Variants in CNOT1 observed in about 807,000 individuals in gnomAD.
CNOT1 encodes the protein CCR4-associated factor 1.
Under a neutral mutation model 273.8 loss-of-function variants are expected in CNOT1, and 15 were observed. That is an observed-to-expected ratio of 0.05 (90% CI 0.04 to 0.08). The LOEUF is 0.08. Among genes scored for constraint, CNOT1 ranks in the 10% least tolerant of loss-of-function variants. The probability of loss-of-function intolerance (pLI) is 1.00; values close to 1 mark genes in which losing one functional copy is unlikely to be tolerated. For missense variants in CNOT1, 1,644 were observed against 2,912.2 expected, an observed-to-expected ratio of 0.56 and a Z score of 10.02; for synonymous variants, 1,022 against 1,005.5, an observed-to-expected ratio of 1.02 and a Z score of -0.31.
intron 1 of CNOT1, among the ~76,000 whole-genome samples, chr16:58,610,406 A>G (rs1324528450): frequency 6.6e-6 from 1 of 152,066 alleles, no homozygotes; most frequent in Non-Finnish European, 1.5e-5. Flanking sequence ...ACTCTGCCTC[A>G]ATAAAGAAAT....
At chr16:58,554,026 T>C (rs1268130376) in intron 21 of CNOT1, among the ~76,000 whole-genome samples, 166 bp from the exon 22 acceptor site, 1 of 152,038 alleles carries the variant, frequency 6.6e-6, no homozygotes, top group Non-Finnish European at 1.5e-5. Context: ...AAGGAGAAAA[T>C]ACTTATGATT....
At chr16:58,530,404 A>G in intron 42 of CNOT1, 57 bp from the exon 43 acceptor site, 2 of 1,327,064 alleles carry the variant, frequency 1.5e-6, no homozygotes, top group Non-Finnish European at 2.1e-6. Context: ...TTCAGCCACT[A>G]CAAGTCGCCC....
chr16:58,628,059 C>A (rs2043658797), intron 1 of CNOT1, among the ~76,000 whole-genome samples: 1 of 152,144 alleles, frequency 6.6e-6, no homozygotes, highest in African/African-American at 2.4e-5. Flanking sequence ...AACTCCTGAC[C>A]TCTGGTGATT....
At chr16:58,563,101 GTT>G (rs3045184) in intron 16 of CNOT1, among the ~76,000 whole-genome samples, 1,961 of 152,164 alleles carry the variant, frequency 0.013, 43 homozygotes, top group African/African-American at 0.046. Flanking sequence ...AAATAAACGC[GTT>G]GTTTTATGTC....
intron 7 of CNOT1, among the ~76,000 whole-genome samples, chr16:58,585,915 T>TA (rs1567424319): frequency 1.3e-5 from 2 of 152,192 alleles, no homozygotes; most frequent in African/African-American, 4.8e-5. Flanking sequence ...ACATTAAAAT[T>TA]AAACTCTATA....
intron 1 of CNOT1, among the ~76,000 whole-genome samples, chr16:58,617,094 C>T (rs569481934): frequency 2.6e-4 from 39 of 152,320 alleles, no homozygotes; most frequent in Non-Finnish European, 4.9e-4. Context: ...AGGTGCAGGG[C>T]TCACGGCTGT....
At chr16:58,533,514 T>TAC (rs984642806) in intron 40 of CNOT1, among the ~76,000 whole-genome samples, 7 of 152,222 alleles carry the variant, frequency 4.6e-5, no homozygotes, top group Admixed American at 1.3e-4. Context: ...CGGGTGCCTG[T>TAC]AGTCCCAGCT....
At chr16:58,525,873 C>T in intron 45 of CNOT1, 116 bp downstream of exon 45, 1 of 840,712 alleles carries the variant, frequency 1.2e-6, no homozygotes, top group Non-Finnish European at 1.9e-6. Flanking sequence ...TCAACCTCAC[C>T]CAATTGATGG....
chr16:58,617,454 G>A (rs547041801), intron 1 of CNOT1, among the ~76,000 whole-genome samples: 41 of 151,934 alleles, frequency 2.7e-4, no homozygotes, highest in Non-Finnish European at 4.1e-4. Context: ...TCCAAAGTTC[G>A]AAAGACTCCA....
intron 16 of CNOT1, among the ~76,000 whole-genome samples, chr16:58,569,912 A>T (rs2151956324): frequency 6.6e-6 from 1 of 152,338 alleles, no homozygotes; most frequent in Non-Finnish European, 1.5e-5. Context: ...AGTAGAATAA[A>T]CTCAAAGAGA....
intron 47 of CNOT1, 94 bp from the exon 48 acceptor site, chr16:58,521,411 T>G: frequency 1.5e-6 from 2 of 1,300,758 alleles, no homozygotes; most frequent in Non-Finnish European, 2.1e-6. Flanking sequence ...TCCCTGACTA[T>G]TGAACCACAT....
intron 29 of CNOT1, 93 bp from the exon 30 acceptor site, chr16:58,545,584 T>C (rs2040233903): frequency 4.5e-6 from 7 of 1,541,592 alleles, no homozygotes; most frequent in Non-Finnish European, 6.1e-6. Flanking sequence ...CATTATCTAA[T>C]TAAACGAATT....
At chr16:58,561,977 C>A (rs1428264015) in intron 16 of CNOT1, among the ~76,000 whole-genome samples, 2 of 151,856 alleles carry the variant, frequency 1.3e-5, no homozygotes, top group Non-Finnish European at 2.9e-5. Flanking sequence ...AAACTCAGGT[C>A]AGAAGCTGAG....
At chr16:58,527,526 CAAA>C (rs1209141088) in intron 44 of CNOT1, among the ~76,000 whole-genome samples, 1 of 151,302 alleles carries the variant, frequency 6.6e-6, no homozygotes, top group African/African-American at 2.4e-5. Flanking sequence ...GACTCTGTCT[CAAA>C]AATAAATAAA....
chr16:58,549,315 G>T (rs13331129), intron 25 of CNOT1, among the ~76,000 whole-genome samples: 1 of 150,338 alleles, frequency 6.7e-6, no homozygotes, highest in Non-Finnish European at 1.5e-5. Flanking sequence ...AAAAAAAGGG[G>T]GCTACAGCAA....
At chr16:58,583,451 C>G (rs2041720057) in intron 8 of CNOT1, among the ~76,000 whole-genome samples, 1 of 152,132 alleles carries the variant, frequency 6.6e-6, no homozygotes, top group Non-Finnish European at 1.5e-5. Flanking sequence ...GGGAGATAAG[C>G]TATGAGGATG....
At chr16:58,577,298 G>A (rs13380755) in intron 13 of CNOT1, among the ~76,000 whole-genome samples, 2,978 of 152,236 alleles carry the variant, frequency 0.02, 89 homozygotes, top group African/African-American at 0.067. Flanking sequence ...GATGCAGCTC[G>A]TTTACCAGCC....
At chr16:58,609,887 A>G (rs1048991303) in intron 1 of CNOT1, among the ~76,000 whole-genome samples, 6 of 150,692 alleles carry the variant, frequency 4.0e-5, no homozygotes, top group Non-Finnish European at 8.9e-5. Context: ...ATTAACATAT[A>G]TAATAATACA....
At chr16:58,563,816 C>T (rs181689883) in intron 16 of CNOT1, among the ~76,000 whole-genome samples, 174 of 152,266 alleles carry the variant, frequency 1.1e-3, no homozygotes, top group African/African-American at 4.1e-3. Flanking sequence ...GAAAATTTTG[C>T]GATACCTAAC....
Sources: gnomAD v4.1 joint callset for allele counts (sites outside exome capture counted in the v4.1 genomes callset) on GRCh38, gnomAD v4.1.1 for gene constraint, MANE v1.5 for transcripts, NCBI Gene and HGNC (gene_info 2026-07-23, HGNC 2026-07-21) for gene names.